The following RPL24 variants were observed in gnomAD, a reference collection of about 807,000 sequenced individuals.
The protein encoded by RPL24 is large ribosomal subunit protein eL24.
Under a neutral mutation model 26.4 loss-of-function variants are expected in RPL24, and 7 were observed. The observed-to-expected ratio is 0.27, with a 90% confidence interval of 0.15 to 0.50. The LOEUF (loss-of-function observed/expected upper bound fraction) is 0.50, where lower values mean the gene tolerates loss of function less well. Ranked by LOEUF, RPL24 falls within the 20% of genes least tolerant of loss-of-function variation. The probability of loss-of-function intolerance (pLI) is 0.98; values close to 1 mark genes in which losing one functional copy is unlikely to be tolerated. For missense variants in RPL24, 109 were observed against 194.9 expected (o/e 0.56, Z 2.62); for synonymous variants, 67 against 65.2 (o/e 1.03, Z -0.13).
Position 101,681,128 on chromosome 3 carries a change from T to G in RPL24, c.*7A>C. The G allele has an allele frequency of 6.3e-7, 1 of 1,595,962 alleles. No homozygotes were observed. Among genetic ancestry groups the G allele is most frequent in the South Asian group, 1.1e-5 (1 of 90,500 alleles). The stretch of plus-strand genomic sequence containing the variant: ...CCAATCTTTATTTAAAAATCTAATC[T>G]GCCAGTTTAGCGTTTTCCACCAACT... On this transcript the variant is annotated 3_prime_UTR_variant, in exon 6 of 6. Transcript: ENST00000394077.
intron 4 of RPL24, 32 bp downstream of exon 4, chr3:101,682,739 G>C (rs374368648): frequency 8.7e-6 from 14 of 1,605,474 alleles, no homozygotes; most frequent in Non-Finnish European, 1.2e-5. Context: ...CATCCGAATA[G>C]GTAAAATGCT....
At chr3:101,681,342 C>A (rs1282756968) in intron 5 of RPL24, 127 bp from the exon 6 acceptor site, 5 of 677,930 alleles carry the variant, frequency 7.4e-6, no homozygotes, top group Non-Finnish European at 1.3e-5. Context: ...TTCCTAATGC[C>A]AATCTTTTAA....
intron 3 of RPL24, among the ~76,000 whole-genome samples, chr3:101,685,569 T>G (rs1443345969): frequency 6.6e-6 from 1 of 152,228 alleles, no homozygotes; most frequent in Non-Finnish European, 1.5e-5. Context: ...ACTAAGCCCT[T>G]CCACCCTGCC....
intron 2 of RPL24, chr3:101,686,230 G>A (rs1937340238): frequency 3.4e-6 from 2 of 582,738 alleles, no homozygotes; most frequent in Non-Finnish European, 6.1e-6. Flanking sequence ...GGGTACCTCC[G>A]TACCTCAGTT....
chr3:101,686,584 G>A (rs1937346478), intron 1 of RPL24, 27 bp from the exon 2 acceptor site: 2 of 1,614,138 alleles, frequency 1.2e-6, no homozygotes, highest in East Asian at 2.2e-5. Context: ...AAGTCCATCA[G>A]GGAGGGTGTC....
At chr3:101,684,755 G>A (rs1937309528) in intron 3 of RPL24, among the ~76,000 whole-genome samples, 1 of 95,074 alleles carries the variant, frequency 1.1e-5, no homozygotes, top group Non-Finnish European at 1.9e-5. Flanking sequence ...TCCAGCCTGA[G>A]CAACAGAGGA....
At chr3:101,682,726 A>G in intron 4 of RPL24, 45 bp downstream of exon 4, 1 of 1,589,020 alleles carries the variant, frequency 6.3e-7, no homozygotes, top group Non-Finnish European at 8.6e-7. Context: ...CAAACCTAAA[A>G]TCCATCCGAA....
At chr3:101,684,776 C>CCAAAAAAAAA (rs1205904118) in intron 3 of RPL24, among the ~76,000 whole-genome samples, 1 of 53,216 alleles carries the variant, frequency 1.9e-5, no homozygotes, top group East Asian at 7.1e-4. Flanking sequence ...CCTGTCTCCC[C>CCAAAAAAAAA]AAAAAAAAAA....
At position 101,682,919 on chromosome 3, in the gene RPL24, A is replaced by G; in HGVS notation, c.193-12T>C. On this transcript the variant is annotated splice_polypyrimidine_tract_variant and intron_variant, in intron 3 of 5. Coordinates refer to ENST00000394077, the MANE Select transcript of RPL24 (RefSeq NM_000986.4). Reference sequence around the variant, plus strand: ...TTTTGAATTTCTTCCTGCAAAACAAAGATGAGGGGCACACTTAGGAACCTT... The same window carrying G: ...TTTTGAATTTCTTCCTGCAAAACAAGGATGAGGGGCACACTTAGGAACCTT... 6.2e-7 allele frequency: 1 copy of G among 1,612,666 alleles called. No individual in the cohort carries two copies. The highest frequency in any genetic ancestry group is 8.5e-7 in the Non-Finnish European group (1 of 1,179,090).
chr3:101,682,360 G>C, intron 5 of RPL24, 69 bp downstream of exon 5: 1 of 1,229,674 alleles, frequency 8.1e-7, no homozygotes, highest in Non-Finnish European at 1.2e-6. Flanking sequence ...AACAGAGCAA[G>C]ACTCCGTCTC....
Position 101,686,660 on chromosome 3 carries a change from G to A in RPL24, c.5+12C>T. On this transcript the variant is annotated intron_variant, in intron 1 of 5. Coordinates refer to ENST00000394077, the MANE Select transcript of RPL24 (RefSeq NM_000986.4). Reference sequence around the variant, plus strand: ...GGATGTAAGCGGATTGGGAACCACGGGTCGTGCTTACTTCATGGCGACAGC... The same window carrying A: ...GGATGTAAGCGGATTGGGAACCACGAGTCGTGCTTACTTCATGGCGACAGC... 2 of 1,614,230 alleles carry A rather than the reference G, an allele frequency of 1.2e-6. No homozygotes were observed. The highest frequency in any genetic ancestry group is 1.7e-5 in the Admixed American group (1 of 60,030).
chr3:101,682,324 T>C, intron 5 of RPL24, 105 bp downstream of exon 5: 1 of 888,634 alleles, frequency 1.1e-6, no homozygotes, highest in South Asian at 1.3e-5. Flanking sequence ...TGAGATCAGA[T>C]CACGCCACTG....
Position 101,684,776 on chromosome 3 carries a change from C to CAAAAAAAAAAAAAAAAAAAAAAAAAA in RPL24, c.192+1016_192+1041dup, listed in dbSNP as rs57278210. On this transcript the variant is annotated intron_variant, in intron 3 of 5. Coordinates refer to ENST00000394077, the MANE Select transcript of RPL24 (RefSeq NM_000986.4). ...CTGAGCAACAGAGGACCTGTCTCCCCAAAAAAAAAAAAAAAAAAAAAAAAA... is the reference window on the plus strand; with the variant it reads ...CTGAGCAACAGAGGACCTGTCTCCCCAAAAAAAAAAAAAAAAAAAAAAAAAAAAAAAAAAAAAAAAAAAAAAAAAAA... Among the ~76,000 whole-genome samples the CAAAAAAAAAAAAAAAAAAAAAAAAAA allele has an allele frequency of 5.5e-4, 29 of 53,208 alleles. 3 individuals are homozygous for CAAAAAAAAAAAAAAAAAAAAAAAAAA. Among genetic ancestry groups the CAAAAAAAAAAAAAAAAAAAAAAAAAA allele is most frequent in the South Asian group, 2.1e-3 (2 of 956 alleles). 34.9% of individuals were successfully genotyped at this position (53,208 alleles called of 152,430 possible).
At position 101,686,713 on chromosome 3, in the gene RPL24, A is replaced by G. The variant is rs3815870; in HGVS notation, c.-37T>C. On this transcript the variant is annotated 5_prime_UTR_variant, in exon 1 of 6. Coordinates refer to ENST00000394077, the MANE Select transcript of RPL24 (RefSeq NM_000986.4). ...CACGGAAAGACAAAAGATGGCGAAA[A>G]GAAAGAGAGAATCATGGGAAGAGAC... 7 of 1,613,904 alleles carry G rather than the reference A, an allele frequency of 4.3e-6. No homozygotes were observed. The East Asian group carries it at 6.7e-5, about 15-fold the overall frequency.
intron 3 of RPL24, 45 bp from the exon 4 acceptor site, chr3:101,682,952 G>A: frequency 1.3e-6 from 2 of 1,558,128 alleles, no homozygotes; most frequent in Non-Finnish European, 1.7e-6. Context: ...CTTCCTTCAA[G>A]AATTTAGAGG....
In RPL24 at chr3:101,684,218, G is replaced by A. The variant is rs1453457923; in HGVS notation, c.193-1311C>T. 4.0e-5 allele frequency among the ~76,000 whole-genome samples: 6 copies of A among 150,686 alleles called. No individual in the cohort carries two copies. In the East Asian group the frequency reaches 9.8e-4, roughly 25 times the overall value. On this transcript the variant is annotated intron_variant, in intron 3 of 5. Coordinates refer to ENST00000394077, the MANE Select transcript of RPL24 (RefSeq NM_000986.4). The stretch of plus-strand genomic sequence containing the variant: ...CTCACCCTGTCACCCAGGGTGGAGT[G>A]CAGTGGCACAATCCCAGCTCACTGC...
Position 101,686,703 on chromosome 3 carries a change from G to A in RPL24, c.-27C>T, listed in dbSNP as rs1056233599. On this transcript the variant is annotated 5_prime_UTR_variant, in exon 1 of 6. Transcript: ENST00000394077. ...GCGACAGCTCCACGGAAAGACAAAA[G>A]ATGGCGAAAAGAAAGAGAGAATCAT... 5 of 1,614,152 alleles carry A rather than the reference G, an allele frequency of 3.1e-6. No homozygotes were observed. The highest frequency in any genetic ancestry group is 2.2e-5 in the South Asian group (2 of 91,086).
At chr3:101,685,718 GCATA>G (rs1937329232) in intron 3 of RPL24, 96 bp downstream of exon 3, 4 of 612,138 alleles carry the variant, frequency 6.5e-6, no homozygotes, top group South Asian at 4.3e-5. Flanking sequence ...GAGCTCTTTC[GCATA>G]CAGTCTGATT....
chr3:101,686,354 C>T, intron 2 of RPL24, 128 bp downstream of exon 2: 1 of 698,852 alleles, frequency 1.4e-6, no homozygotes, highest in Non-Finnish European at 2.4e-6. Context: ...ACGACCAGTC[C>T]ACAGAGCGTC....
Sources: gnomAD v4.1 joint callset for allele counts (sites outside exome capture counted in the v4.1 genomes callset) on GRCh38, gnomAD v4.1.1 for gene constraint, MANE v1.5 for transcripts, NCBI Gene and HGNC (gene_info 2026-07-23, HGNC 2026-07-21) for gene names.